The following NFIA variants were observed in gnomAD, a reference collection of about 807,000 sequenced individuals.
The protein encoded by NFIA is nuclear factor I A, also known as nuclear factor 1 A-type.
In NFIA, 8 loss-of-function variants were observed where a neutral mutation model predicts 62.8. The ratio of observed to expected loss-of-function variants is 0.13; its 90% CI spans 0.07 to 0.23. NFIA has a LOEUF of 0.23. NFIA is among the 10% of genes least tolerant of loss of function. The probability of loss-of-function intolerance (pLI) is 1.00; values close to 1 mark genes in which losing one functional copy is unlikely to be tolerated. For missense variants in NFIA, 410 were observed against 642.1 expected (o/e 0.64, Z 3.91); for synonymous variants, 235 against 238.1 (o/e 0.99, Z 0.12).
At chr1:61,127,719 A>G (rs1647000566) in intron 2 of NFIA, among the ~76,000 whole-genome samples, 1 of 152,184 alleles carries the variant, frequency 6.6e-6, no homozygotes. Flanking sequence ...TAAAAATGGA[A>G]AAAGAGACTG....
intron 2 of NFIA, among the ~76,000 whole-genome samples, chr1:61,224,772 C>A (rs1389478693): frequency 6.6e-6 from 1 of 152,104 alleles, no homozygotes; most frequent in East Asian, 1.9e-4. Flanking sequence ...CAAACTGTGT[C>A]CTTGGAAGAC....
chr1:61,263,047 G>C (rs564545111), intron 2 of NFIA, among the ~76,000 whole-genome samples: 45 of 152,256 alleles, frequency 3.0e-4, no homozygotes, highest in African/African-American at 1.1e-3. Context: ...TTGAAGAGTT[G>C]CTATTTCTGT....
chr1:61,078,415 C>T (rs1646058063), upstream of NFIA, among the ~76,000 whole-genome samples: 1 of 152,128 alleles, frequency 6.6e-6, no homozygotes, highest in Admixed American at 6.5e-5. Context: ...AAGCTGGTAA[C>T]TTGTGGAATG....
chr1:61,269,674 GAT>G (rs1657392191), intron 2 of NFIA, among the ~76,000 whole-genome samples: 1 of 152,178 alleles, frequency 6.6e-6, no homozygotes, highest in Non-Finnish European at 1.5e-5. Context: ...AGTGTTGTCT[GAT>G]AAACAGATGT....
intron 3 of NFIA, among the ~76,000 whole-genome samples, chr1:61,308,451 C>T (rs528280513): frequency 6.6e-6 from 1 of 152,292 alleles, no homozygotes; most frequent in South Asian, 2.1e-4. Flanking sequence ...ATGAGTTAGA[C>T]GAGACTTCCC....
At chr1:61,157,326 C>T (rs1648886807) in intron 2 of NFIA, among the ~76,000 whole-genome samples, 1 of 152,114 alleles carries the variant, frequency 6.6e-6, no homozygotes, top group Admixed American at 6.5e-5. Context: ...CCCTCCACTC[C>T]CTGCAAAAGA....
At chr1:61,348,678 C>T (rs1035756035) in intron 4 of NFIA, among the ~76,000 whole-genome samples, 1 of 152,184 alleles carries the variant, frequency 6.6e-6, no homozygotes, top group African/African-American at 2.4e-5. Context: ...AGGCAAAAGA[C>T]ATTTTTCTAG....
In NFIA at chr1:61,139,489, G is replaced by T. The variant is rs556507466; in HGVS notation, c.559+50809G>T. ...CATCTTTCACCCGAGGGATTTCTGG[G>T]CATCTATTTTGCGGATCAGAAAGTA... On this transcript the variant is annotated intron_variant, in intron 2 of 10. Coordinates refer to ENST00000403491, the MANE Select transcript of NFIA (RefSeq NM_001134673.4). 5.8e-4 allele frequency among the ~76,000 whole-genome samples: 88 copies of T among 152,300 alleles called. 1 individual carries two copies. The highest frequency in any genetic ancestry group is 3.5e-3 in the South Asian group (17 of 4,822).
rs191864168 is a variant in NFIA, at chr1:61,461,489, C to A, written c.*6169C>A. On this transcript the variant is annotated 3_prime_UTR_variant, in exon 11 of 11. Transcript: ENST00000403491. The stretch of plus-strand genomic sequence containing the variant: ...TTCCCAAATTAAATAAATTTCATCT[C>A]ATTTTTTTCCCTAAACCAGCACCCA... The A allele has an allele frequency of 1.8e-4, 27 of 152,232 alleles. No homozygotes were observed. The highest frequency in any genetic ancestry group is 1.7e-3 in the Admixed American group (26 of 15,288). 9.4% of individuals were successfully genotyped at this position (152,232 alleles called of 1,614,324 possible). A position where few individuals can be genotyped will look rare whatever the true frequency, so the allele number is the denominator to read the frequency against.
chr1:61,321,279 G>A (rs1318044899), intron 3 of NFIA, among the ~76,000 whole-genome samples: 2 of 152,040 alleles, frequency 1.3e-5, no homozygotes, highest in Admixed American at 1.3e-4. Flanking sequence ...TTGTTTCTCT[G>A]TTCTTGTACA....
chr1:61,184,667 T>G (rs760489131), intron 2 of NFIA, among the ~76,000 whole-genome samples: 10 of 152,202 alleles, frequency 6.6e-5, no homozygotes, highest in Non-Finnish European at 1.5e-4. Flanking sequence ...GATGCCAAAA[T>G]TCAACAAAAT....
At chr1:61,281,800 A>G (rs1400500987) in intron 3 of NFIA, among the ~76,000 whole-genome samples, 1 of 152,194 alleles carries the variant, frequency 6.6e-6, no homozygotes, top group African/African-American at 2.4e-5. Context: ...TAAGGGTAGG[A>G]TTTATGACAA....
intron 3 of NFIA, among the ~76,000 whole-genome samples, chr1:61,278,042 T>C (rs1657917126): frequency 1.1e-5 from 1 of 92,432 alleles, no homozygotes; most frequent in Non-Finnish European, 2.0e-5. Flanking sequence ...ACTTTGCCAA[T>C]TCCTTTAAGA....
intron 6 of NFIA, among the ~76,000 whole-genome samples, chr1:61,380,067 G>A (rs750752129): frequency 5.3e-5 from 8 of 152,016 alleles, no homozygotes; most frequent in Non-Finnish European, 2.9e-5. Context: ...CAGACTAGAG[G>A]GAAATTGAAA....
At chr1:61,164,555 G>A (rs1214836321) in intron 2 of NFIA, among the ~76,000 whole-genome samples, 1 of 152,030 alleles carries the variant, frequency 6.6e-6, no homozygotes, top group Admixed American at 6.5e-5. Context: ...TGCTTCCTGG[G>A]TTCACGCCAT....
At chr1:61,230,413 A>G (rs944743201) in intron 2 of NFIA, among the ~76,000 whole-genome samples, 3 of 152,182 alleles carry the variant, frequency 2.0e-5, no homozygotes, top group African/African-American at 7.2e-5. Context: ...ATCATAACCT[A>G]GAAGTTATCT....
At chr1:61,244,125 C>G (rs1238012675) in intron 2 of NFIA, among the ~76,000 whole-genome samples, 2 of 152,190 alleles carry the variant, frequency 1.3e-5, no homozygotes, top group Non-Finnish European at 2.9e-5. Context: ...TATATAGTAG[C>G]TTTCTGCATA....
chr1:61,133,297 G>T (rs1647114835), intron 2 of NFIA, among the ~76,000 whole-genome samples: 2 of 151,230 alleles, frequency 1.3e-5, no homozygotes, highest in Admixed American at 1.3e-4. Flanking sequence ...TTGACCTAAT[G>T]AATGCAGTTC....
intron 3 of NFIA, among the ~76,000 whole-genome samples, chr1:61,289,098 C>CAA (rs1658697878): frequency 6.6e-6 from 1 of 152,116 alleles, no homozygotes; most frequent in Admixed American, 6.6e-5. Flanking sequence ...TTGACCATGC[C>CAA]AATGGAGAGT....
Sources: gnomAD v4.1 joint callset for allele counts (sites outside exome capture counted in the v4.1 genomes callset) on GRCh38, gnomAD v4.1.1 for gene constraint, MANE v1.5 for transcripts, NCBI Gene and HGNC (gene_info 2026-07-23, HGNC 2026-07-21) for gene names.